SVEP1: variants seen among roughly 807,000 people sequenced by gnomAD.
The protein encoded by SVEP1 is sushi, von Willebrand factor type A, EGF and pentraxin domain-containing protein 1.
A neutral mutation model predicts 367.3 loss-of-function variants in SVEP1; 164 were observed. That is an observed-to-expected ratio of 0.45 (90% confidence interval 0.39 to 0.51). The LOEUF is 0.51. Among genes scored for constraint, SVEP1 ranks in the 20% least tolerant of loss-of-function variants. SVEP1 has a pLI of 0.00. For missense variants in SVEP1, 4,117 were observed against 4,425.3 expected, an observed-to-expected ratio of 0.93 and a Z score of 1.98; for synonymous variants, 1,666 against 1,611.6, an observed-to-expected ratio of 1.03 and a Z score of -0.81.
intron 44 of SVEP1, 89 bp downstream of exon 44, chr9:110,379,258 G>A: frequency 7.3e-7 from 1 of 1,361,972 alleles, no homozygotes; most frequent in Non-Finnish European, 1.0e-6. Flanking sequence ...AAATAAAGTA[G>A]TATGCATATT....
At chr9:110,444,845 A>G (rs1828565181) in intron 26 of SVEP1, among the ~76,000 whole-genome samples, 1 of 152,096 alleles carries the variant, frequency 6.6e-6, no homozygotes, top group South Asian at 2.1e-4. Flanking sequence ...CTCTCTTTAT[A>G]TATATTTTGT....
chr9:110,481,708 A>G (rs936060664), intron 11 of SVEP1, among the ~76,000 whole-genome samples: 7 of 151,720 alleles, frequency 4.6e-5, no homozygotes, highest in African/African-American at 1.5e-4. Flanking sequence ...AGTTATTATT[A>G]TTATTATTAT....
chr9:110,446,119 A>G (rs1276387547), intron 25 of SVEP1, 81 bp from the exon 26 acceptor site: 3 of 1,284,428 alleles, frequency 2.3e-6, no homozygotes, highest in African/African-American at 1.5e-5. Context: ...GCTATTGTCA[A>G]AGAAGCTCAT....
At position 110,499,255 on chromosome 9, in the gene SVEP1, G is replaced by C; in HGVS notation, c.1484-17C>G. 1 of 1,592,526 alleles carries C rather than the reference G, an allele frequency of 6.3e-7. No homozygotes were observed. The highest frequency in any genetic ancestry group is 8.6e-7 in the Non-Finnish European group (1 of 1,167,658). ...AGTGGCGCTCTACGGTAGGGAAACAGAGAGAATGTTATTTGTGTTCCCACA... is the reference window on the plus strand; with the variant it reads ...AGTGGCGCTCTACGGTAGGGAAACACAGAGAATGTTATTTGTGTTCCCACA... On this transcript the variant is annotated splice_polypyrimidine_tract_variant and intron_variant, in intron 6 of 47. Transcript: ENST00000374469.
Position 110,407,212 on chromosome 9 carries a change from C to A in SVEP1, c.8388G>T (p.Thr2796=). Residue 2796 remains threonine, a synonymous_variant, in exon 38 of 48, where the codon ACG becomes ACT. Transcript: ENST00000374469. The part of the protein sequence containing the change: ...IKGSNYTYLS[T]LYYECDPGYV... The stretch of plus-strand genomic sequence containing the variant: ...ATCCGGGGTCACACTCATAGTACAA[C>A]GTGCTCAGGTATGTGTAGTTGCTTC... 6.2e-7 allele frequency: 1 copy of A among 1,613,972 alleles called. No individual in the cohort carries two copies. The highest frequency in any genetic ancestry group is 8.5e-7 in the Non-Finnish European group (1 of 1,179,888).
chr9:110,399,477 T>A (rs148572406), intron 40 of SVEP1, among the ~76,000 whole-genome samples: 1,543 of 152,042 alleles, frequency 0.01, 31 homozygotes, highest in African/African-American at 0.034. Context: ...ACCCTAAAAC[T>A]TAAAGTATAA....
chr9:110,460,548 T>C (rs1828842805), intron 18 of SVEP1, among the ~76,000 whole-genome samples: 1 of 152,022 alleles, frequency 6.6e-6, no homozygotes, highest in African/African-American at 2.4e-5. Flanking sequence ...AGGTCAGGAG[T>C]TCCAGACTAG....
At position 110,481,234 on chromosome 9, in the gene SVEP1, A is replaced by G. The variant is rs1455753036; in HGVS notation, c.2365+8T>C. The G allele has an allele frequency of 1.3e-6, 2 of 1,519,548 alleles. No individual in the cohort carries two copies. The highest frequency in any genetic ancestry group is 1.4e-5 in the African/African-American group (1 of 72,466). The allele number at this position is 1,519,548 out of a possible 1,614,324, so 94.1% of individuals were successfully genotyped here. A position where few individuals can be genotyped will look rare whatever the true frequency, so the allele number is the denominator to read the frequency against. ...ATTAAAGAAGTCTAGAATAAAATTA[A>G]AACTTACTGGCACAGTCTGGCCATT... On this transcript the variant is annotated splice_region_variant and intron_variant, in intron 12 of 47. Transcript: ENST00000374469.
intron 1 of SVEP1, among the ~76,000 whole-genome samples, chr9:110,569,316 C>T (rs993034340): frequency 3.3e-5 from 5 of 151,650 alleles, no homozygotes; most frequent in Admixed American, 6.6e-5. Flanking sequence ...ATTAGCTGAG[C>T]ATGGTGGTGC....
At chr9:110,400,150 G>A (rs954901446) in intron 40 of SVEP1, among the ~76,000 whole-genome samples, 3 of 152,142 alleles carry the variant, frequency 2.0e-5, no homozygotes, top group Admixed American at 1.3e-4. Context: ...AGGTATATGA[G>A]CCCATTGTTT....
At chr9:110,501,255 A>C (rs1313427412) in intron 6 of SVEP1, among the ~76,000 whole-genome samples, 1 of 150,846 alleles carries the variant, frequency 6.6e-6, no homozygotes, top group African/African-American at 2.4e-5. Flanking sequence ...TGTTCTTTTC[A>C]TCTCTCGGTA....
Position 110,471,606 on chromosome 9 carries a change from A to T in SVEP1, c.2765-9T>A. The T allele has an allele frequency of 1.3e-6, 2 of 1,583,926 alleles. No homozygotes were observed. The highest frequency in any genetic ancestry group is 1.7e-6 in the Non-Finnish European group (2 of 1,155,916). ...GGGTAATGGCACACTAGCTGAGATA[A>T]AAACAAAATAAAACACAACACAAAC... is the stretch of plus-strand genomic sequence containing the variant. On this transcript the variant is annotated splice_polypyrimidine_tract_variant and intron_variant, in intron 15 of 47. Coordinates refer to ENST00000374469, the MANE Select transcript of SVEP1 (RefSeq NM_153366.4).
chr9:110,575,483 C>CGGAG (rs563621247), intron 1 of SVEP1, among the ~76,000 whole-genome samples: 221 of 152,180 alleles, frequency 1.5e-3, no homozygotes, highest in African/African-American at 5.2e-3. Flanking sequence ...GTATTTAGAG[C>CGGAG]GGAGACCAGG....
chr9:110,381,757 T>G (rs1031892703), intron 43 of SVEP1, among the ~76,000 whole-genome samples: 2 of 152,212 alleles, frequency 1.3e-5, no homozygotes, highest in African/African-American at 4.8e-5. Context: ...GTTAATTTTC[T>G]GTCTCGATGA....
chr9:110,373,798 T>C (rs1588017546), intron 46 of SVEP1, among the ~76,000 whole-genome samples: 1 of 151,794 alleles, frequency 6.6e-6, no homozygotes. Flanking sequence ...TATAATCTAG[T>C]GGGGGAAGGG....
At chr9:110,530,924 G>C (rs1423478676) in intron 3 of SVEP1, among the ~76,000 whole-genome samples, 1 of 152,098 alleles carries the variant, frequency 6.6e-6, no homozygotes, top group African/African-American at 2.4e-5. Context: ...ATTATTCTTA[G>C]AAAATGTATT....
Position 110,411,171 on chromosome 9 carries a change from C to A in SVEP1, c.6540G>T (p.Gly2180=). The A allele has an allele frequency of 6.2e-7, 1 of 1,613,966 alleles. No homozygotes were observed. The highest frequency in any genetic ancestry group is 8.5e-7 in the Non-Finnish European group (1 of 1,179,880). The change falls in exon 37 of 48, where the codon GGG becomes GGT. Residue 2180 remains glycine, a synonymous_variant. Transcript: ENST00000374469. ...TGGCTTCGCAGGTGCTCTTCTTTTC[C>A]CCTTTGATGTAGAACCCCTTGTTGC... ...YSCNKGFYIK[G]EKKSTCEATG...
intron 6 of SVEP1, among the ~76,000 whole-genome samples, chr9:110,499,819 A>G (rs1194156741): frequency 6.6e-6 from 1 of 152,212 alleles, no homozygotes; most frequent in Non-Finnish European, 1.5e-5. Context: ...CAGGGAGTGC[A>G]TGTGAGGGGG....
chr9:110,393,542 G>A lies in SVEP1; in HGVS notation c.9823-3955C>T, dbSNP rs542224454. Among the ~76,000 whole-genome samples the A allele has an allele frequency of 5.3e-4, 80 of 152,314 alleles. 2 individuals are homozygous for A. In the South Asian group the frequency reaches 0.016, roughly 30 times the overall value. On this transcript the variant is annotated intron_variant, in intron 40 of 47. Coordinates refer to ENST00000374469, the MANE Select transcript of SVEP1 (RefSeq NM_153366.4). ...AGTGGGTGCAGTGCACTGTGCACAA[G>A]CCAAAGCAGAATGAGGCATCGCCTC...
Sources: allele counts gnomAD v4.1 joint callset (sites outside exome capture counted in the v4.1 genomes callset), GRCh38; gene constraint gnomAD v4.1.1; transcripts MANE v1.5; gene names NCBI Gene and HGNC (gene_info 2026-07-23, HGNC 2026-07-21).